KSR2: variants seen among roughly 807,000 people sequenced by gnomAD.
The protein encoded by KSR2 is kinase suppressor of ras 2.
KSR2 carries 25 observed loss-of-function variants against 107.8 expected under a neutral mutation model. That is an observed-to-expected ratio of 0.23 (90% CI 0.17 to 0.32). The LOEUF is 0.32. Among genes scored for constraint, KSR2 ranks in the 10% least tolerant of loss-of-function variants. The pLI is 1.00. For synonymous variants in KSR2, 480 were observed against 507.0 expected (o/e 0.95, Z 0.71); for missense variants, 887 against 1,268.9 (o/e 0.70, Z 4.57).
At position 117,572,699 on chromosome 12, in the gene KSR2, T is replaced by TAA. The variant is rs35907962; in HGVS notation, c.1325+6418_1325+6419dup. Among the ~76,000 whole-genome samples the TAA allele has an allele frequency of 4.9e-3, 604 of 123,678 alleles. 8 individuals carry two copies. The highest frequency in any genetic ancestry group is 0.016 in the African/African-American group (531 of 33,996). 81.1% of individuals were successfully genotyped at this position (123,678 alleles called of 152,430 possible). ...CCCTCTCTTCCACACTCCAGCCCAT[T>TAA]AAAAAAAAAAAAAAAAAGAGAAAAG... On this transcript the variant is annotated intron_variant, in intron 7 of 19. Coordinates refer to ENST00000339824, the MANE Select transcript of KSR2 (RefSeq NM_173598.6).
intron 3 of KSR2, among the ~76,000 whole-genome samples, chr12:117,788,549 G>A (rs1360836437): frequency 1.3e-5 from 2 of 152,074 alleles, no homozygotes; most frequent in Admixed American, 6.5e-5. Context: ...TTGCCCAGGC[G>A]GGAGTGCAGT....
intron 4 of KSR2, among the ~76,000 whole-genome samples, chr12:117,731,883 G>A (rs1039258724): frequency 1.4e-5 from 2 of 142,554 alleles, no homozygotes; most frequent in African/African-American, 4.9e-5. Flanking sequence ...AAGTACCCAG[G>A]GACACAAACA....
intron 9 of KSR2, among the ~76,000 whole-genome samples, chr12:117,546,753 GTCCA>G (rs1253111832): frequency 6.6e-6 from 1 of 152,074 alleles, no homozygotes; most frequent in Non-Finnish European, 1.5e-5. Context: ...TTGTTATTGA[GTCCA>G]TCCACTGAAT....
At chr12:117,504,140 C>T (rs961837950) in intron 14 of KSR2, among the ~76,000 whole-genome samples, 14 of 152,194 alleles carry the variant, frequency 9.2e-5, no homozygotes, top group Non-Finnish European at 1.8e-4. Context: ...TGTGACCTCA[C>T]CTCTCAATCA....
chr12:117,569,204 C>G (rs1878721058), intron 7 of KSR2, among the ~76,000 whole-genome samples: 1 of 152,146 alleles, frequency 6.6e-6, no homozygotes, highest in Admixed American at 6.5e-5. Flanking sequence ...CATAGGAGAG[C>G]AGAATGCACA....
rs10651702 is a variant in KSR2 at position 117,968,305 on chromosome 12, A to AG, written c.-51dup. The AG allele has an allele frequency of 0.45, 493,170 of 1,093,088 alleles. 66,448 individuals carry two copies. The highest frequency in any genetic ancestry group is 0.65 in the African/African-American group (37,157 of 57,234). The allele number at this position is 1,093,088 out of a possible 1,614,324, so 67.7% of individuals were successfully genotyped here. The stretch of plus-strand genomic sequence containing the variant: ...CTCCTCCTCCTCCCAGAGAGAAAAA[A>AG]GAGGGGGGGGAGTAGAGGTAGTCTA... On this transcript the variant is annotated 5_prime_UTR_variant, in exon 1 of 20. Transcript: ENST00000339824.
intron 3 of KSR2, among the ~76,000 whole-genome samples, chr12:117,841,459 T>C (rs1344996734): frequency 6.6e-6 from 1 of 152,184 alleles, no homozygotes. Context: ...ACTCATATGG[T>C]TGCGAGGCTA....
chr12:117,458,935 C>T lies in KSR2; in HGVS notation c.*8264G>A, dbSNP rs1410134484. The T allele has an allele frequency of 6.6e-6, 1 of 152,338 alleles. No individual in the cohort carries two copies. Among genetic ancestry groups the T allele is most frequent in the Non-Finnish European group, 1.5e-5 (1 of 68,120 alleles). The allele number at this position is 152,338 out of a possible 1,614,324, so 9.4% of individuals were successfully genotyped here. A position where few individuals can be genotyped will look rare whatever the true frequency, so the allele number is the denominator to read the frequency against. On this transcript the variant is annotated 3_prime_UTR_variant, in exon 20 of 20. Transcript: ENST00000339824. ...TGAACAGCAGAAATTTTACAAACCT[C>T]CTCAAGAAAGAAAAGCCCTTGCAGC...
At chr12:117,724,379 G>C (rs75437409) in intron 4 of KSR2, among the ~76,000 whole-genome samples, 1 of 151,062 alleles carries the variant, frequency 6.6e-6, no homozygotes, top group African/African-American at 2.4e-5. Flanking sequence ...AAGTAGCAAT[G>C]TTCCTCAGAT....
At chr12:117,706,682 C>T (rs1455138114) in intron 4 of KSR2, among the ~76,000 whole-genome samples, 2 of 152,008 alleles carry the variant, frequency 1.3e-5, no homozygotes, top group African/African-American at 4.8e-5. Context: ...AAAGGTTGCT[C>T]AACTCTGTAA....
At position 117,459,240 on chromosome 12, in the gene KSR2, T is replaced by A. The variant is rs1373337740; in HGVS notation, c.*7959A>T. 6.6e-6 allele frequency: 1 copy of A among 152,228 alleles called. No individual in the cohort carries two copies. Among genetic ancestry groups the A allele is most frequent in the Non-Finnish European group, 1.5e-5 (1 of 68,050 alleles). The allele number at this position is 152,228 out of a possible 1,614,324, so 9.4% of individuals were successfully genotyped here. A position where few individuals can be genotyped will look rare whatever the true frequency, so the allele number is the denominator to read the frequency against. On this transcript the variant is annotated 3_prime_UTR_variant, in exon 20 of 20. Transcript: ENST00000339824. ...TCCACCAACTACAGCCCAAATGGCT[T>A]GGCTTCTGGAAGTTTCTGAGGCCTG...
At chr12:117,638,686 A>T (rs1476662796) in intron 5 of KSR2, among the ~76,000 whole-genome samples, 1 of 152,132 alleles carries the variant, frequency 6.6e-6, no homozygotes, top group Non-Finnish European at 1.5e-5. Context: ...TCTGTGAGGA[A>T]AGGAAGGGGA....
At chr12:117,932,198 A>G (rs1169790824) in intron 1 of KSR2, among the ~76,000 whole-genome samples, 1 of 151,968 alleles carries the variant, frequency 6.6e-6, no homozygotes, top group African/African-American at 2.4e-5. Context: ...GAGGTAGGAG[A>G]ATCGCTTGAA....
intron 10 of KSR2, among the ~76,000 whole-genome samples, chr12:117,535,155 A>G (rs1875949834): frequency 6.6e-6 from 1 of 152,208 alleles, no homozygotes; most frequent in Non-Finnish European, 1.5e-5. Context: ...GATGCGTAAT[A>G]AATACTGTTA....
At position 117,642,708 on chromosome 12, in the gene KSR2, T is replaced by C. The variant is rs550011216; in HGVS notation, c.1171+24766A>G. On this transcript the variant is annotated intron_variant, in intron 5 of 19. Transcript: ENST00000339824. The stretch of plus-strand genomic sequence containing the variant: ...GGACCTTTTTCATTAATCAATGATA[T>C]GCTGATCTTGTGATGACTGAACTCA... Among the ~76,000 whole-genome samples, 6 of 152,354 alleles carry C rather than the reference T, an allele frequency of 3.9e-5. 1 individual carries two copies. In the South Asian group the frequency reaches 1.2e-3, roughly 32 times the overall value.
At chr12:117,500,119 G>A (rs1230556572) in intron 14 of KSR2, among the ~76,000 whole-genome samples, 2 of 152,208 alleles carry the variant, frequency 1.3e-5, no homozygotes, top group Non-Finnish European at 2.9e-5. Context: ...CCTGGCCATG[G>A]TGTAAGACAT....
intron 10 of KSR2, among the ~76,000 whole-genome samples, chr12:117,538,799 A>C (rs1453393432): frequency 6.6e-6 from 1 of 152,214 alleles, no homozygotes; most frequent in Non-Finnish European, 1.5e-5. Flanking sequence ...TGTTGAACAA[A>C]ACAGATGTAG....
At chr12:117,537,624 G>A (rs895014503) in intron 10 of KSR2, among the ~76,000 whole-genome samples, 3 of 152,216 alleles carry the variant, frequency 2.0e-5, no homozygotes, top group African/African-American at 7.2e-5. Flanking sequence ...TGGTAAAGCT[G>A]AGATTTGAAC....
chr12:117,812,907 C>A (rs1432094161), intron 3 of KSR2, among the ~76,000 whole-genome samples: 1 of 147,894 alleles, frequency 6.8e-6, no homozygotes, highest in Non-Finnish European at 1.5e-5. Flanking sequence ...ACCACCAGCA[C>A]CAGACTTCAA....
Sources: allele counts gnomAD v4.1 joint callset (sites outside exome capture counted in the v4.1 genomes callset), GRCh38; gene constraint gnomAD v4.1.1; transcripts MANE v1.5; gene names NCBI Gene and HGNC (gene_info 2026-07-23, HGNC 2026-07-21).